Variants in DLG2 observed in about 807,000 individuals in gnomAD.
DLG2 encodes the protein disks large homolog 2.
In DLG2, 45 loss-of-function variants were observed where a neutral mutation model predicts 132.5. The ratio of observed to expected loss-of-function variants is 0.34; its 90% CI spans 0.27 to 0.44. The LOEUF (loss-of-function observed/expected upper bound fraction) is 0.44. DLG2 is among the 20% of genes least tolerant of loss of function. The pLI is 1.00. For synonymous variants in DLG2, 424 were observed against 419.6 expected (o/e 1.01, Z -0.13); for missense variants, 1,045 against 1,196.9 (o/e 0.87, Z 1.87).
chr11:83,607,791 C>T (rs555955502), intron 19 of DLG2, among the ~76,000 whole-genome samples: 2 of 152,150 alleles, frequency 1.3e-5, no homozygotes, highest in African/African-American at 4.8e-5. Context: ...TAATAAAAAG[C>T]AGCAGACTAC....
intron 7 of DLG2, among the ~76,000 whole-genome samples, chr11:84,303,663 G>A (rs2098182389): frequency 6.6e-6 from 1 of 152,066 alleles, no homozygotes; most frequent in African/African-American, 2.4e-5. Context: ...ACTTGAATAT[G>A]GAATCTAATT....
At chr11:84,297,723 G>A (rs1416354359) in intron 7 of DLG2, among the ~76,000 whole-genome samples, 1 of 151,700 alleles carries the variant, frequency 6.6e-6, no homozygotes, top group African/African-American at 2.4e-5. Context: ...GTAAAATGCC[G>A]ACTTCCTTCC....
intron 7 of DLG2, among the ~76,000 whole-genome samples, chr11:84,420,860 G>A (rs2098948146): frequency 1.3e-5 from 2 of 150,744 alleles, no homozygotes; most frequent in South Asian, 4.2e-4. Context: ...AGTAGAGACG[G>A]GGTTTCACCG....
chr11:85,200,516 C>T lies in DLG2; in HGVS notation c.187-45865G>A, dbSNP rs555110486. Among the ~76,000 whole-genome samples the T allele has an allele frequency of 2.6e-5, 4 of 152,292 alleles. No homozygotes were observed. In the South Asian group the frequency reaches 6.2e-4, roughly 24 times the overall value. ...CATCCTACAGCGGTTCCCAAGGCGG[C>T]CCAGTCTCAGCATCAGCCCCTTGCA... On this transcript the variant is annotated intron_variant, in intron 4 of 27. Transcript: ENST00000376104.
chr11:85,145,803 T>C (rs1382645086), intron 5 of DLG2, among the ~76,000 whole-genome samples: 1 of 152,144 alleles, frequency 6.6e-6, no homozygotes, highest in Non-Finnish European at 1.5e-5. Flanking sequence ...TGAAAGTTCA[T>C]CTATTTCCAC....
intron 8 of DLG2, among the ~76,000 whole-genome samples, chr11:84,204,014 A>G (rs2096632683): frequency 6.6e-6 from 1 of 152,122 alleles, no homozygotes; most frequent in South Asian, 2.1e-4. Flanking sequence ...CTGGTGTGGA[A>G]TGGTATGATC....
At chr11:85,168,601 T>C (rs1311899343) in intron 4 of DLG2, among the ~76,000 whole-genome samples, 3 of 151,644 alleles carry the variant, frequency 2.0e-5, no homozygotes, top group African/African-American at 7.3e-5. Context: ...TAGGGAAGAG[T>C]AGAGGGGTCA....
At chr11:85,610,532 C>T (rs574041702) in intron 2 of DLG2, among the ~76,000 whole-genome samples, 29 of 152,282 alleles carry the variant, frequency 1.9e-4, no homozygotes, top group Admixed American at 3.3e-4. Context: ...TCTTGCCCCA[C>T]GGGTTTAGGG....
At chr11:84,074,474 G>A (rs113751154) in intron 10 of DLG2, among the ~76,000 whole-genome samples, 2,256 of 151,874 alleles carry the variant, frequency 0.015, 58 homozygotes, top group African/African-American at 0.052. Flanking sequence ...GTTGGCTCAC[G>A]GGTTCCACTC....
intron 10 of DLG2, among the ~76,000 whole-genome samples, chr11:84,098,680 TC>T (rs1290696760): frequency 1.3e-5 from 2 of 152,148 alleles, no homozygotes; most frequent in Non-Finnish European, 2.9e-5. Flanking sequence ...AGATTTATCT[TC>T]ATCCCCTCCT....
intron 5 of DLG2, among the ~76,000 whole-genome samples, chr11:85,146,051 T>G (rs1234498661): frequency 2.6e-5 from 4 of 152,150 alleles, no homozygotes; most frequent in Non-Finnish European, 4.4e-5. Flanking sequence ...ATATCAACAC[T>G]GGGAGATACC....
rs866043698 is a variant in DLG2 at position 84,517,078 on chromosome 11, C to T, written c.519+17492G>A. Among the ~76,000 whole-genome samples the T allele has an allele frequency of 1.2e-3, 156 of 125,398 alleles. 1 individual carries two copies. The highest frequency in any genetic ancestry group is 5.2e-3 in the Middle Eastern group (1 of 194). The allele number at this position is 125,398 out of a possible 152,430, so 82.3% of individuals were successfully genotyped here. On this transcript the variant is annotated intron_variant, in intron 7 of 27. Transcript: ENST00000376104. ...TATCCTAAAAAAAAAAAAAAAGATT[C>T]GCAACATTGGTTTGAGCAATAATTT...
chr11:85,484,226 G>T (rs1040372560), intron 3 of DLG2, among the ~76,000 whole-genome samples: 2 of 14,182 alleles, frequency 1.4e-4, no homozygotes, highest in African/African-American at 5.0e-4. Flanking sequence ...CCCTCCACCC[G>T]CCCTCCCTCT....
intron 10 of DLG2, among the ~76,000 whole-genome samples, chr11:84,067,296 T>C (rs2096689909): frequency 6.6e-6 from 1 of 152,158 alleles, no homozygotes; most frequent in Non-Finnish European, 1.5e-5. Flanking sequence ...ACCGCGCCAC[T>C]GCACTCCATC....
At chr11:85,267,399 GATAC>G (rs2077279276) in intron 4 of DLG2, among the ~76,000 whole-genome samples, 1 of 152,170 alleles carries the variant, frequency 6.6e-6, no homozygotes, top group Non-Finnish European at 1.5e-5. Flanking sequence ...AACTGACTTA[GATAC>G]ATTTGCTATT....
chr11:83,511,079 C>A (rs1348524256), intron 21 of DLG2, among the ~76,000 whole-genome samples: 1 of 133,692 alleles, frequency 7.5e-6, no homozygotes, highest in African/African-American at 3.2e-5. Flanking sequence ...CTCAAACACA[C>A]ACACACAGAC....
chr11:85,347,647 A>C (rs2152871901), intron 3 of DLG2, among the ~76,000 whole-genome samples: 1 of 152,104 alleles, frequency 6.6e-6, no homozygotes, highest in Non-Finnish European at 1.5e-5. Flanking sequence ...GATGTTAATT[A>C]ATCTGTATGC....
chr11:84,406,573 A>T (rs2098851041), intron 7 of DLG2, among the ~76,000 whole-genome samples: 1 of 152,130 alleles, frequency 6.6e-6, no homozygotes, highest in African/African-American at 2.4e-5. Flanking sequence ...CTCTTGGGCT[A>T]AAGGAATCCA....
intron 6 of DLG2, among the ~76,000 whole-genome samples, chr11:85,065,547 A>G (rs1221237088): frequency 6.8e-6 from 1 of 146,116 alleles, no homozygotes; most frequent in Non-Finnish European, 1.5e-5. Flanking sequence ...CTTTTTTTAA[A>G]TTTTAATTTT....
Sources: gnomAD v4.1 joint callset for allele counts (sites outside exome capture counted in the v4.1 genomes callset) on GRCh38, gnomAD v4.1.1 for gene constraint, MANE v1.5 for transcripts, NCBI Gene and HGNC (gene_info 2026-07-23, HGNC 2026-07-21) for gene names.